SCAND3: variants seen among roughly 807,000 people sequenced by gnomAD.
The protein encoded by SCAND3 is SCAN domain containing 3.
chr6:28,615,170 T>G, the SCAND3 span, among the ~76,000 whole-genome samples: 146 of 152,328 alleles, frequency 9.6e-4, no homozygotes, highest in Admixed American at 2.4e-3. Context: ...CCTGAACCAG[T>G]GCATAAACAC....
the SCAND3 span, among the ~76,000 whole-genome samples, chr6:28,576,367 C>G: frequency 6.6e-6 from 1 of 152,118 alleles, no homozygotes; most frequent in Non-Finnish European, 1.5e-5. Context: ...TCAAGCAATT[C>G]TCCTATCTCA....
chr6:28,607,519 G>GT, the SCAND3 span, among the ~76,000 whole-genome samples: 32,313 of 149,288 alleles, frequency 0.22, 3,748 homozygotes, highest in East Asian at 0.46. Flanking sequence ...TTTATTCACT[G>GT]TTTTTTTTTT....
the SCAND3 span, chr6:28,589,878 G>C: frequency 8.0e-6 from 1 of 124,688 alleles, no homozygotes; most frequent in Non-Finnish European, 1.6e-5. Context: ...TTTTTTCGCT[G>C]TGGACCTTGC....
the SCAND3 span, chr6:28,571,384 C>G: frequency 5.2e-5 from 8 of 152,842 alleles, no homozygotes; most frequent in East Asian, 9.6e-4. Context: ...ATAAGTGTTC[C>G]CTTCCATCTT....
the SCAND3 span, chr6:28,575,394 G>A: frequency 3.7e-6 from 6 of 1,613,986 alleles, no homozygotes; most frequent in Non-Finnish European, 5.1e-6. This position sits in a 1 kb window ranked among gnomAD's most constrained non-coding sequence, Gnocchi z 4.2. Context: ...CCCTCCCATT[G>A]TCAGATTGTA....
At chr6:28,572,215 T>C in the SCAND3 span, 1 of 1,614,022 alleles carries the variant, frequency 6.2e-7, no homozygotes, top group Non-Finnish European at 8.5e-7. This position sits in a 1 kb window ranked among gnomAD's most constrained non-coding sequence, Gnocchi z 4.1. Flanking sequence ...CAACAACTTA[T>C]CCTGTAGAGT....
At chr6:28,592,481 C>T in the SCAND3 span, among the ~76,000 whole-genome samples, 122 of 152,172 alleles carry the variant, frequency 8.0e-4, no homozygotes, top group Non-Finnish European at 1.5e-3. The surrounding 1 kb of genome is among the most constrained non-coding windows in gnomAD (Gnocchi z 4.1). Flanking sequence ...GAATTAATAT[C>T]GTTAAAATGT....
At chr6:28,611,087 C>CGT in the SCAND3 span, among the ~76,000 whole-genome samples, 2 of 152,286 alleles carry the variant, frequency 1.3e-5, no homozygotes, top group Admixed American at 1.3e-4. Flanking sequence ...AAAAGAGATG[C>CGT]ACATACACCA....
the SCAND3 span, among the ~76,000 whole-genome samples, chr6:28,599,995 A>G: frequency 6.6e-6 from 1 of 152,180 alleles, no homozygotes; most frequent in Non-Finnish European, 1.5e-5. Context: ...CCCAAAATTG[A>G]TTATACACCT....
chr6:28,576,132 T>G, the SCAND3 span: 1 of 1,564,958 alleles, frequency 6.4e-7, no homozygotes, highest in Non-Finnish European at 8.6e-7. Flanking sequence ...ACCACAAAAA[T>G]GACCCTAAAA....
chr6:28,594,394 C>T, the SCAND3 span: 1 of 152,276 alleles, frequency 6.6e-6, no homozygotes, highest in Non-Finnish European at 1.5e-5. Context: ...GTGGCTCAAG[C>T]CTGTAATCCC....
At chr6:28,584,255 A>G in the SCAND3 span, among the ~76,000 whole-genome samples, 2 of 152,198 alleles carry the variant, frequency 1.3e-5, no homozygotes, top group African/African-American at 4.8e-5. Flanking sequence ...TGGGAGGTAA[A>G]ATGAGAACTG....
chr6:28,605,678 CAAAAAAA>C, the SCAND3 span, among the ~76,000 whole-genome samples: 2 of 119,660 alleles, frequency 1.7e-5, no homozygotes, highest in South Asian at 5.7e-4. Flanking sequence ...CTAAAAAATA[CAAAAAAA>C]AAAAAAAAAA....
chr6:28,586,872 C>T, the SCAND3 span: 2 of 636,044 alleles, frequency 3.1e-6, no homozygotes, highest in Non-Finnish European at 5.4e-6. The surrounding 1 kb of genome is among the most constrained non-coding windows in gnomAD (Gnocchi z 4.4). Context: ...TTTAAAAGGA[C>T]TTGTTTACGT....
At chr6:28,601,339 G>A in the SCAND3 span, among the ~76,000 whole-genome samples, 2 of 152,296 alleles carry the variant, frequency 1.3e-5, no homozygotes, top group East Asian at 3.9e-4. Context: ...AATAAGAATG[G>A]TAAATGCTAA....
the SCAND3 span, among the ~76,000 whole-genome samples, chr6:28,583,842 A>C: frequency 3.5e-4 from 53 of 152,298 alleles, no homozygotes; most frequent in Middle Eastern, 3.4e-3. Context: ...TCAGCAACTA[A>C]CTTGCAGCTC....
chr6:28,571,866 A>T, the SCAND3 span: 35 of 1,591,892 alleles, frequency 2.2e-5, no homozygotes, highest in Admixed American at 3.2e-4. Context: ...CAATGCTTAT[A>T]TGCATACTTT....
chr6:28,614,349 G>A, the SCAND3 span, among the ~76,000 whole-genome samples: 1 of 152,052 alleles, frequency 6.6e-6, no homozygotes, highest in African/African-American at 2.4e-5. Context: ...TACATTAGAG[G>A]TTAAATGTTA....
At chr6:28,581,341 T>G in the SCAND3 span, among the ~76,000 whole-genome samples, 1 of 152,074 alleles carries the variant, frequency 6.6e-6, no homozygotes, top group African/African-American at 2.4e-5. Flanking sequence ...CCATCTCAAA[T>G]AAATAAATAA....
Sources: gnomAD v4.1 joint callset for allele counts (sites outside exome capture counted in the v4.1 genomes callset) on GRCh38, gnomAD v4.1.1 for gene constraint, Gnocchi (gnomAD v3.1) non-coding constraint, MANE v1.5 for transcripts, NCBI Gene and HGNC (gene_info 2026-07-23, HGNC 2026-07-21) for gene names.